The following SLC5A1 variants were observed in gnomAD, a reference collection of about 807,000 sequenced individuals.
SLC5A1 encodes solute carrier family 5 member 1, also known as sodium/glucose cotransporter 1.
SLC5A1 carries 42 observed loss-of-function variants against 73.5 expected under a neutral mutation model. The observed-to-expected ratio is 0.57, with a 90% CI of 0.45 to 0.74. The LOEUF (loss-of-function observed/expected upper bound fraction) is 0.74, where lower values mean the gene tolerates loss of function less well. Ranked by LOEUF, SLC5A1 falls within the 30% of genes least tolerant of loss-of-function variation. The probability of loss-of-function intolerance (pLI) is 0.00; values close to 1 mark genes in which losing one functional copy is unlikely to be tolerated. For synonymous variants in SLC5A1, 300 were observed against 317.4 expected (o/e 0.95, Z 0.58); for missense variants, 634 against 855.4 (o/e 0.74, Z 3.23).
chr22:32,057,116 G>A (rs959552855), intron 2 of SLC5A1, among the ~76,000 whole-genome samples: 1 of 152,198 alleles, frequency 6.6e-6, no homozygotes, highest in African/African-American at 2.4e-5. Flanking sequence ...AACCAGGTTG[G>A]AAGGTTCACA....
intron 5 of SLC5A1, among the ~76,000 whole-genome samples, chr22:32,079,880 ACAGC>A (rs2093996814): frequency 6.6e-6 from 1 of 152,218 alleles, no homozygotes; most frequent in Non-Finnish European, 1.5e-5. Flanking sequence ...AGACTTATGC[ACAGC>A]AGAGGCGCCT....
chr22:32,075,755 G>T (rs2093989921), intron 5 of SLC5A1, among the ~76,000 whole-genome samples: 1 of 152,088 alleles, frequency 6.6e-6, no homozygotes. Flanking sequence ...GGGACATCTG[G>T]GCAGGGGGTA....
chr22:32,100,317 G>A (rs1420827625), intron 12 of SLC5A1, among the ~76,000 whole-genome samples: 1 of 152,114 alleles, frequency 6.6e-6, no homozygotes, highest in African/African-American at 2.4e-5. Context: ...TTTCCAATTT[G>A]GATGCCCTTT....
intron 7 of SLC5A1, 113 bp from the exon 8 acceptor site, chr22:32,084,326 G>A: frequency 1.1e-6 from 1 of 892,990 alleles, no homozygotes; most frequent in East Asian, 2.6e-5. Flanking sequence ...GCCACTCAGT[G>A]AGGGCTCTGT....
In SLC5A1 at chr22:32,094,301, C is replaced by CT. The variant is rs901686824; in HGVS notation, c.1280+2546dup. ...ATTAGAGATATTGGTCTGTAGTTGTCTTTTTTTGTTATGTCCTTTCCTGGT... is the reference window on the plus strand; with the variant it reads ...ATTAGAGATATTGGTCTGTAGTTGTCTTTTTTTTGTTATGTCCTTTCCTGGT... On this transcript the variant is annotated intron_variant, in intron 11 of 14. Transcript: ENST00000266088. Among the ~76,000 whole-genome samples the CT allele has an allele frequency of 2.0e-5, 3 of 152,120 alleles. No homozygotes were observed. The East Asian group carries it at 5.8e-4, about 29-fold the overall frequency.
chr22:32,053,938 G>T (rs1232751709), intron 2 of SLC5A1, among the ~76,000 whole-genome samples: 1 of 152,130 alleles, frequency 6.6e-6, no homozygotes, highest in Non-Finnish European at 1.5e-5. Context: ...ACTTTGGCAG[G>T]CCGAGGCAGG....
intron 11 of SLC5A1, 30 bp downstream of exon 11, chr22:32,091,792 G>T (rs763603947): frequency 1.9e-6 from 3 of 1,612,286 alleles, no homozygotes; most frequent in Admixed American, 3.3e-5. Flanking sequence ...AGCCACAAAA[G>T]CTTGAATGAT....
Position 32,066,925 on chromosome 22 carries a change from G to T in SLC5A1, c.208-10G>T. 1.9e-6 allele frequency: 3 copies of T among 1,606,614 alleles called. No individual in the cohort carries two copies. The highest frequency in any genetic ancestry group is 2.6e-6 in the Non-Finnish European group (3 of 1,173,444). On this transcript the variant is annotated splice_polypyrimidine_tract_variant and intron_variant, in intron 2 of 14. Transcript: ENST00000266088. ...CAGAGCCCTCACCTGACTTTCTTTT[G>T]CGTTTCCAGATTGGAGCCTCCCTCT...
intron 1 of SLC5A1, among the ~76,000 whole-genome samples, chr22:32,044,949 T>A (rs988107276): frequency 3.3e-5 from 5 of 152,222 alleles, no homozygotes; most frequent in African/African-American, 1.2e-4. Context: ...GTAGTATATT[T>A]TTACAAAAGC....
intron 9 of SLC5A1, among the ~76,000 whole-genome samples, chr22:32,085,437 T>C (rs559752985): frequency 1.3e-5 from 2 of 152,276 alleles, no homozygotes; most frequent in East Asian, 3.9e-4. Flanking sequence ...TCTTCTTTAT[T>C]TGTTATGGTC....
intron 5 of SLC5A1, among the ~76,000 whole-genome samples, chr22:32,073,928 T>TC (rs1028316644): frequency 6.6e-6 from 1 of 152,176 alleles, no homozygotes; most frequent in Non-Finnish European, 1.5e-5. Flanking sequence ...GAGACCAGTG[T>TC]GCAAAGCCTG....
At chr22:32,061,327 A>C (rs988743597) in intron 2 of SLC5A1, among the ~76,000 whole-genome samples, 1 of 152,094 alleles carries the variant, frequency 6.6e-6, no homozygotes, top group Admixed American at 6.5e-5. Context: ...AGTCAGGAGA[A>C]TCACTTCAGC....
intron 5 of SLC5A1, among the ~76,000 whole-genome samples, chr22:32,079,101 A>C (rs1453382586): frequency 6.6e-6 from 1 of 152,038 alleles, no homozygotes; most frequent in Non-Finnish European, 1.5e-5. Context: ...AAACTGTAAA[A>C]CTCTCTGAAC....
At chr22:32,070,675 T>C (rs756817084) in intron 5 of SLC5A1, among the ~76,000 whole-genome samples, 12 of 152,092 alleles carry the variant, frequency 7.9e-5, no homozygotes, top group Non-Finnish European at 1.2e-4. Flanking sequence ...CTTGTAAGTG[T>C]TCAGGTCAAT....
chr22:32,108,793 A>G (rs528643202), intron 14 of SLC5A1, among the ~76,000 whole-genome samples: 1 of 152,288 alleles, frequency 6.6e-6, no homozygotes, highest in South Asian at 2.1e-4. Context: ...ACAAGACCAT[A>G]AAGCCAGGTT....
chr22:32,067,819 A>G, intron 3 of SLC5A1, 148 bp from the exon 4 acceptor site: 1 of 815,830 alleles, frequency 1.2e-6, no homozygotes, highest in Non-Finnish European at 2.2e-6. Context: ...TGGGTCAGTT[A>G]GGCAGCAAAG....
chr22:32,078,646 T>C (rs2093994623), intron 5 of SLC5A1, among the ~76,000 whole-genome samples: 1 of 152,166 alleles, frequency 6.6e-6, no homozygotes, highest in Admixed American at 6.5e-5. Flanking sequence ...TAAAAACTTT[T>C]TCTTTGTTGC....
chr22:32,065,152 G>A (rs2149487312), intron 2 of SLC5A1, among the ~76,000 whole-genome samples: 1 of 152,156 alleles, frequency 6.6e-6, no homozygotes, highest in Admixed American at 6.5e-5. Context: ...TCACTATGTT[G>A]CTCAGGCTGG....
rs33948878 is a variant in SLC5A1, at chr22:32,104,813, A to G, written c.1693A>G (p.Asn565Asp). The G allele has an allele frequency of 9.2e-5, 148 of 1,614,170 alleles. No homozygotes were observed. The highest frequency in any genetic ancestry group is 1.2e-4 in the Non-Finnish European group (137 of 1,180,016). The change falls in exon 14 of 15, where the codon AAC becomes GAC. Residue 565 changes from asparagine (N) to aspartate (D), a missense_variant. Transcript: ENST00000266088. ...HLYRLCWSLR[N>D]SKEERIDLDA... ...CTACCGTCTGTGTTGGAGCCTGCGCAACAGCAAAGAGGAGCGTATTGACCT... is the reference window on the plus strand; with the variant it reads ...CTACCGTCTGTGTTGGAGCCTGCGCGACAGCAAAGAGGAGCGTATTGACCT...
Sources: gnomAD v4.1 joint callset for allele counts (sites outside exome capture counted in the v4.1 genomes callset) on GRCh38, gnomAD v4.1.1 for gene constraint, MANE v1.5 for transcripts, NCBI Gene and HGNC (gene_info 2026-07-23, HGNC 2026-07-21) for gene names.